The following DSE variants were observed in gnomAD, a reference collection of about 807,000 sequenced individuals.
DSE encodes the protein dermatan sulfate epimerase, also known as dermatan-sulfate epimerase.
Under a neutral mutation model 84.4 loss-of-function variants are expected in DSE, and 36 were observed. The observed-to-expected ratio is 0.43, with a 90% CI of 0.33 to 0.56. The LOEUF (loss-of-function observed/expected upper bound fraction) is 0.56. DSE is among the 20% of genes least tolerant of loss of function. DSE has a pLI of 0.06. For missense variants in DSE, 862 were observed against 1,169.6 expected (o/e 0.74, Z 3.84); for synonymous variants, 410 against 430.1 (o/e 0.95, Z 0.58).
intron 2 of DSE, among the ~76,000 whole-genome samples, chr6:116,286,786 C>A (rs538535896): frequency 1.1e-3 from 168 of 152,186 alleles, no homozygotes; most frequent in African/African-American, 3.9e-3. Flanking sequence ...GATTCAAATA[C>A]CATGGTGATG....
chr6:116,258,825 G>C, exon 2 of DSE: 1 of 1,608,242 alleles, frequency 6.2e-7, no homozygotes, highest in Non-Finnish European at 8.5e-7. Context: ...GTATGACCTC[G>C]AAGGCATGCT....
intron 2 of DSE, among the ~76,000 whole-genome samples, chr6:116,289,975 T>C (rs1365874580): frequency 6.6e-6 from 1 of 152,160 alleles, no homozygotes; most frequent in East Asian, 1.9e-4. Context: ...ATTTACTACA[T>C]AATAGATACT....
intron 2 of DSE, among the ~76,000 whole-genome samples, chr6:116,274,509 G>A (rs1773026796): frequency 1.3e-5 from 2 of 152,000 alleles, no homozygotes; most frequent in Admixed American, 1.3e-4. Context: ...GTTGCGGTGA[G>A]CGGAAGCTTG....
chr6:116,305,380 A>G (rs146742529), intron 2 of DSE, among the ~76,000 whole-genome samples: 1 of 152,332 alleles, frequency 6.6e-6, no homozygotes, highest in East Asian at 1.9e-4. Flanking sequence ...AGTTCTCACT[A>G]TTAAAGAAAA....
At position 116,293,278 on chromosome 6, in the gene DSE, CT is replaced by C. The variant is rs5879371; in HGVS notation, c.-54+34323del. On this transcript the variant is annotated intron_variant, in intron 2 of 3. Transcript: ENST00000430252. ...TAAAGGTTTTTCCTTTTCTTTTTTT[CT>C]TTTTTTTTTTTGACACGGAGTCTTG... Among the ~76,000 whole-genome samples the C allele has an allele frequency of 2.2e-3, 323 of 144,204 alleles. 1 individual carries two copies. The highest frequency in any genetic ancestry group is 3.3e-3 in the Non-Finnish European group (214 of 65,822). 94.6% of individuals were successfully genotyped at this position (144,204 alleles called of 152,430 possible). A position where few individuals can be genotyped will look rare whatever the true frequency, so the allele number is the denominator to read the frequency against.
intron 2 of DSE, chr6:116,278,796 G>A (rs775725468): frequency 6.8e-6 from 11 of 1,613,982 alleles, no homozygotes; most frequent in Non-Finnish European, 6.8e-6. Context: ...CCACTCGGCC[G>A]GAGGATCTTA....
chr6:116,278,437 T>G, intron 2 of DSE: 14 of 1,586,828 alleles, frequency 8.8e-6, no homozygotes, highest in Non-Finnish European at 1.2e-5. Flanking sequence ...ATAGAAGGCA[T>G]ACTCATTGCT....
chr6:116,318,991 A>G lies in DSE; in HGVS notation c.-54+60024A>G, dbSNP rs1193845928. ...TTTTCTGTTTAGGATGAAACCATTG[A>G]AAAAAATGCTTCAGTAGTCTCTTCT... On this transcript the variant is annotated intron_variant, in intron 2 of 3. Transcript: ENST00000430252. Among the ~76,000 whole-genome samples the G allele has an allele frequency of 3.3e-5, 5 of 152,284 alleles. No individual in the cohort carries two copies. In the East Asian group the frequency reaches 5.8e-4, roughly 18 times the overall value.
intron 2 of DSE, among the ~76,000 whole-genome samples, chr6:116,362,633 A>T (rs1778969224): frequency 6.6e-6 from 1 of 152,160 alleles, no homozygotes; most frequent in Non-Finnish European, 1.5e-5. Flanking sequence ...ACCGTGAGAA[A>T]TAAATTTCTA....
At chr6:116,376,571 T>G (rs1316229878) in intron 1 of DSE, among the ~76,000 whole-genome samples, 1 of 152,242 alleles carries the variant, frequency 6.6e-6, no homozygotes, top group African/African-American at 2.4e-5. Context: ...CATATGAAAT[T>G]TAATGTGTAC....
intron 2 of DSE, among the ~76,000 whole-genome samples, chr6:116,315,459 A>C (rs1459397985): frequency 6.6e-6 from 1 of 152,140 alleles, no homozygotes; most frequent in Admixed American, 6.6e-5. Context: ...GTATACCTCT[A>C]AAACAGAGCC....
chr6:116,297,421 T>A (rs1774738218), intron 2 of DSE, among the ~76,000 whole-genome samples: 1 of 152,004 alleles, frequency 6.6e-6, no homozygotes, highest in Non-Finnish European at 1.5e-5. Flanking sequence ...TACCTCCACA[T>A]GAGTGCCTCC....
At chr6:116,273,548 T>C (rs1275172345) in intron 2 of DSE, among the ~76,000 whole-genome samples, 2 of 152,180 alleles carry the variant, frequency 1.3e-5, no homozygotes, top group Non-Finnish European at 2.9e-5. Context: ...TATATAATAA[T>C]GTTGAAGGAA....
intron 2 of DSE, chr6:116,279,969 A>C (rs1582931169): frequency 4.0e-6 from 5 of 1,251,060 alleles, no homozygotes; most frequent in Non-Finnish European, 5.8e-6. Flanking sequence ...TGGAGATCTC[A>C]CGGTATCGCG....
At chr6:116,335,345 A>G (rs1777178993) in intron 2 of DSE, among the ~76,000 whole-genome samples, 1 of 152,118 alleles carries the variant, frequency 6.6e-6, no homozygotes, top group Non-Finnish European at 1.5e-5. Flanking sequence ...AGACACAAAG[A>G]GGGGAACAAC....
intron 2 of DSE, among the ~76,000 whole-genome samples, chr6:116,405,795 G>A (rs986341055): frequency 6.6e-6 from 1 of 152,202 alleles, no homozygotes; most frequent in African/African-American, 2.4e-5. Context: ...GTGGGAGGAA[G>A]CAGATGAAGA....
intron 2 of DSE, among the ~76,000 whole-genome samples, chr6:116,265,849 A>C (rs1239756324): frequency 6.6e-6 from 1 of 152,144 alleles, no homozygotes; most frequent in Non-Finnish European, 1.5e-5. Context: ...AGCCTTCCCT[A>C]GTTGTGCTCT....
intron 1 of DSE, among the ~76,000 whole-genome samples, chr6:116,398,908 GAGA>G (rs1203181161): frequency 3.3e-5 from 5 of 152,142 alleles, no homozygotes; most frequent in South Asian, 2.1e-4. Flanking sequence ...GATACTATGT[GAGA>G]AGAATACCAA....
rs571763684 is a variant in DSE, at chr6:116,371,567, G to A, written c.-54+446G>A. Among the ~76,000 whole-genome samples the A allele has an allele frequency of 2.0e-5, 3 of 152,322 alleles. No homozygotes were observed. The East Asian group carries it at 5.8e-4, about 29-fold the overall frequency. ...TTCCCTCCGTACCCCAGCCATTTGGGGGCAGGGGAGGTGGCGGCGGCTTGT... is the reference window on the plus strand; with the variant it reads ...TTCCCTCCGTACCCCAGCCATTTGGAGGCAGGGGAGGTGGCGGCGGCTTGT... On this transcript the variant is annotated intron_variant, in intron 1 of 5. Transcript: ENST00000644252.
Sources: allele counts gnomAD v4.1 joint callset (sites outside exome capture counted in the v4.1 genomes callset), GRCh38; gene constraint gnomAD v4.1.1; transcripts MANE v1.5; gene names NCBI Gene and HGNC (gene_info 2026-07-23, HGNC 2026-07-21).